Variants in RNF135 observed in about 807,000 individuals in gnomAD.
The protein encoded by RNF135 is ring finger protein 135.
A neutral mutation model predicts 41.9 loss-of-function variants in RNF135; 46 were observed. The ratio of observed to expected loss-of-function variants is 1.10; its 90% confidence interval spans 0.87 to 1.40. The LOEUF (loss-of-function observed/expected upper bound fraction) is 1.40, where lower values mean the gene tolerates loss of function less well. Among genes scored for constraint, RNF135 ranks in the 40% most tolerant of loss-of-function variants. The pLI, the probability that RNF135 is intolerant of heterozygous loss-of-function variation, is 0.00. For missense variants in RNF135, 539 were observed against 549.8 expected, an observed-to-expected ratio of 0.98 and a Z score of 0.20; for synonymous variants, 238 against 223.8, an observed-to-expected ratio of 1.06 and a Z score of -0.57.
At chr17:30,981,929 C>A (rs1907179761) in intron 1 of RNF135, among the ~76,000 whole-genome samples, 1 of 152,218 alleles carries the variant, frequency 6.6e-6, no homozygotes, top group African/African-American at 2.4e-5. Context: ...CTGCCTGGAG[C>A]TGGAGGTGGG....
intron 1 of RNF135, among the ~76,000 whole-genome samples, chr17:30,974,157 T>G (rs1034410664): frequency 6.6e-6 from 1 of 152,218 alleles, no homozygotes; most frequent in South Asian, 2.1e-4. Flanking sequence ...TGAGCCGTGA[T>G]TGTACCACTG....
intron 3 of RNF135, among the ~76,000 whole-genome samples, chr17:30,991,317 C>T (rs145961091): frequency 7.2e-5 from 11 of 151,906 alleles, no homozygotes; most frequent in African/African-American, 2.2e-4. Context: ...GAGCCAAGAC[C>T]GTGCCATTGT....
At chr17:30,993,957 CCACA>C (rs1908163784) in intron 3 of RNF135, 1 of 518,638 alleles carries the variant, frequency 1.9e-6, no homozygotes. Context: ...GCATGTGCCA[CCACA>C]CTCAGCTAAT....
In RNF135 at chr17:30,971,041, C is replaced by G. The variant is rs1905851420; in HGVS notation, c.-33C>G. The G allele has an allele frequency of 6.5e-7, 1 of 1,533,496 alleles. No individual in the cohort carries two copies. Among genetic ancestry groups the G allele is most frequent in the Non-Finnish European group, 8.7e-7 (1 of 1,145,772 alleles). 95.0% of individuals were successfully genotyped at this position (1,533,496 alleles called of 1,614,324 possible). On this transcript the variant is annotated 5_prime_UTR_variant, in exon 1 of 5. Coordinates refer to ENST00000328381, the MANE Select transcript of RNF135 (RefSeq NM_032322.4). The stretch of plus-strand genomic sequence containing the variant: ...GCCTGAGGAGACTCGCCCGGCTCAA[C>G]CCCGACGTCCGCGCCCCGGCCGCCT...
chr17:30,979,114 G>C (rs1272620878), intron 1 of RNF135: 3 of 179,234 alleles, frequency 1.7e-5, no homozygotes, highest in African/African-American at 7.5e-5. Flanking sequence ...TCCCCAATGA[G>C]CTGCTGGGCA....
chr17:30,999,355 C>A lies in RNF135; in HGVS notation c.*164C>A. 1 of 735,138 alleles carries A rather than the reference C, an allele frequency of 1.4e-6. No homozygotes were observed. 45.5% of individuals were successfully genotyped at this position (735,138 alleles called of 1,614,324 possible). A position where few individuals can be genotyped will look rare whatever the true frequency, so the allele number is the denominator to read the frequency against. ...TGTCGAATTCCTGGTCTCAAGCAGTCCTCCCACCTCAGCCTCCCAAGGTGC... is the reference window on the plus strand; with the variant it reads ...TGTCGAATTCCTGGTCTCAAGCAGTACTCCCACCTCAGCCTCCCAAGGTGC... On this transcript the variant is annotated 3_prime_UTR_variant, in exon 5 of 5. Coordinates refer to ENST00000328381, the MANE Select transcript of RNF135 (RefSeq NM_032322.4).
At chr17:30,979,556 G>A (rs1308647820) in intron 1 of RNF135, among the ~76,000 whole-genome samples, 2 of 33,818 alleles carry the variant, frequency 5.9e-5, no homozygotes, top group Admixed American at 4.6e-4. Context: ...CCTCCCTCCC[G>A]GACGGGGCGG....
Position 30,971,110 on chromosome 17 carries a change from T to C in RNF135, c.37T>C (p.Trp13Arg). ...GLGLGSAVPVWLAEDDLGCII... is the reference protein window; with the variant it reads ...GLGLGSAVPVRLAEDDLGCII... Reference sequence around the variant, plus strand: ...GGGCCTGGGCTCCGCCGTTCCCGTGTGGCTGGCCGAGGACGACCTCGGCTG... The same window carrying C: ...GGGCCTGGGCTCCGCCGTTCCCGTGCGGCTGGCCGAGGACGACCTCGGCTG... The change falls in exon 1 of 5, where the codon TGG (tryptophan) becomes CGG (arginine). Residue 13 changes from tryptophan (W) to arginine (R), a missense_variant. By Grantham distance (101) the Trp-to-Arg change is moderately radical. Around this residue, in one of 2 missense-constraint regions of RNF135, gnomAD observed 277 missense variants for 212.8 expected, o/e 1.30. Coordinates refer to ENST00000328381, the MANE Select transcript of RNF135 (RefSeq NM_032322.4). 6.5e-7 allele frequency: 1 copy of C among 1,534,370 alleles called. No individual in the cohort carries two copies. The highest frequency in any genetic ancestry group is 1.2e-5 in the South Asian group (1 of 84,002).
At chr17:30,960,594 C>G in the RNF135 span, among the ~76,000 whole-genome samples, 9 of 152,126 alleles carry the variant, frequency 5.9e-5, no homozygotes, top group African/African-American at 1.7e-4. Flanking sequence ...CCCAAAACTC[C>G]CTTGTAGCCA....
the RNF135 span, chr17:30,965,445 A>G: frequency 6.6e-6 from 1 of 152,190 alleles, no homozygotes; most frequent in East Asian, 1.9e-4. Context: ...GCACCTTTCC[A>G]AAAAATATTA....
chr17:30,969,750 CTTTT>C (rs1242518243), upstream of RNF135, among the ~76,000 whole-genome samples: 75 of 141,860 alleles, frequency 5.3e-4, no homozygotes, highest in Middle Eastern at 3.7e-3. Flanking sequence ...TCTTTTCTTT[CTTTT>C]TTTTCTTTTT....
chr17:30,971,379 C>T lies in RNF135; in HGVS notation c.306C>T (p.Pro102=), dbSNP rs1009857461. The T allele has an allele frequency of 3.3e-6, 5 of 1,526,946 alleles. No individual in the cohort carries two copies. Among genetic ancestry groups the T allele is most frequent in the Admixed American group, 2.0e-5 (1 of 50,152 alleles). 94.6% of individuals were successfully genotyped at this position (1,526,946 alleles called of 1,614,324 possible). ...IQAGSDPAHC[P]CPGSSSLSSA... is the part of the protein sequence containing the mutation. The stretch of plus-strand genomic sequence containing the variant: ...CGGGCTCCGACCCTGCCCACTGCCC[C>T]TGCCCGGGCTCCAGTTCCCTCTCCA... The change falls in exon 1 of 5, where the codon CCC becomes CCT. Residue 102 remains proline (P), a synonymous_variant. Coordinates refer to ENST00000328381, the MANE Select transcript of RNF135 (RefSeq NM_032322.4).
Position 30,983,336 on chromosome 17 carries a change from TATATATATATA to T in RNF135, c.373-1280_373-1270del, listed in dbSNP as rs1164360203. On this transcript the variant is annotated intron_variant, in intron 1 of 4. Transcript: ENST00000328381. ...ATATATGTACATATATATATATATA[TATATATATATA>T]TATATATTTTTTTTTTTTTTTTTTG... Among the ~76,000 whole-genome samples the T allele has an allele frequency of 2.9e-3, 84 of 28,902 alleles. 1 individual carries two copies. Among genetic ancestry groups the T allele is most frequent in the African/African-American group, 6.4e-3 (76 of 11,822 alleles). The allele number at this position is 28,902 out of a possible 152,430, so 19.0% of individuals were successfully genotyped here.
chr17:30,965,373 G>GCA, the RNF135 span: 70 of 151,420 alleles, frequency 4.6e-4, no homozygotes, highest in African/African-American at 1.7e-3. Flanking sequence ...ACCCAAAAAT[G>GCA]TATATATATA....
chr17:30,967,999 G>A (rs2142639238), upstream of RNF135, among the ~76,000 whole-genome samples: 1 of 152,092 alleles, frequency 6.6e-6, no homozygotes. Flanking sequence ...GGCTGAGCGC[G>A]GTGGCTCACC....
intron 1 of RNF135, chr17:30,975,639 C>A: frequency 8.8e-7 from 1 of 1,142,154 alleles, no homozygotes; most frequent in Non-Finnish European, 1.3e-6. Flanking sequence ...AAACAAGAAA[C>A]TCCACAACCG....
upstream of RNF135, among the ~76,000 whole-genome samples, chr17:30,967,103 C>G (rs185144175): frequency 6.6e-6 from 1 of 152,074 alleles, no homozygotes; most frequent in Admixed American, 6.5e-5. Flanking sequence ...GGTGCCATTT[C>G]AGCTCACTAC....
intron 1 of RNF135, 115 bp from the exon 2 acceptor site, chr17:30,984,502 G>A (rs1011802667): frequency 1.5e-5 from 16 of 1,041,664 alleles, no homozygotes; most frequent in Admixed American, 9.3e-5. Context: ...GTATTCCATC[G>A]GTCTGTATGT....
chr17:30,983,363 T>A (rs1376921273), intron 1 of RNF135, among the ~76,000 whole-genome samples: 53 of 63,070 alleles, frequency 8.4e-4, no homozygotes, highest in Middle Eastern at 0.01. Flanking sequence ...ATTTTTTTTT[T>A]TTTTTTTTGA....
Sources: allele counts gnomAD v4.1 joint callset (sites outside exome capture counted in the v4.1 genomes callset), GRCh38; gene constraint gnomAD v4.1.1; regional missense constraint gnomAD v4.1.1; transcripts MANE v1.5; gene names NCBI Gene and HGNC (gene_info 2026-07-23, HGNC 2026-07-21).